The following PKP4 variants were observed in gnomAD, a reference collection of about 807,000 sequenced individuals.
PKP4 encodes the protein plakophilin 4.
A neutral mutation model predicts 145.1 loss-of-function variants in PKP4; 90 were observed. The ratio of observed to expected loss-of-function variants is 0.62; its 90% CI spans 0.52 to 0.74. PKP4 has a LOEUF of 0.74. Among genes scored for constraint, PKP4 ranks in the 30% least tolerant of loss-of-function variants. PKP4 has a pLI of 0.00. For missense variants in PKP4, 1,340 were observed against 1,482.7 expected, an observed-to-expected ratio of 0.90 and a Z score of 1.58; for synonymous variants, 563 against 577.2, an observed-to-expected ratio of 0.98 and a Z score of 0.35.
At chr2:158,617,303 C>T (rs949999659) in intron 4 of PKP4, among the ~76,000 whole-genome samples, 4 of 152,042 alleles carry the variant, frequency 2.6e-5, no homozygotes, top group African/African-American at 9.7e-5. Context: ...TTTCTGGTGT[C>T]CCAGAAAACA....
chr2:158,596,702 G>A (rs1389610729), intron 3 of PKP4, among the ~76,000 whole-genome samples: 3 of 151,838 alleles, frequency 2.0e-5, no homozygotes, highest in African/African-American at 4.8e-5. Flanking sequence ...ATCATGTAAC[G>A]CTACTCATTT....
rs754471647 is a variant in PKP4, at chr2:158,621,432, C to T, written c.603+11C>T. On this transcript the variant is annotated intron_variant, in intron 6 of 21. Coordinates refer to ENST00000389759, the MANE Select transcript of PKP4 (RefSeq NM_003628.6). ...CAAACACTGGTTCAGGTAAGCCAAA[C>T]GCATCAAGATCTCTGCAAAGAAATA... 4.3e-6 allele frequency: 7 copies of T among 1,610,158 alleles called. No individual in the cohort carries two copies. Among genetic ancestry groups the T allele is most frequent in the East Asian group, 2.2e-5 (1 of 44,846 alleles).
At chr2:158,507,704 AT>A (rs1193621300) in intron 1 of PKP4, among the ~76,000 whole-genome samples, 1 of 151,794 alleles carries the variant, frequency 6.6e-6, no homozygotes, top group African/African-American at 2.4e-5. Flanking sequence ...GCTCAAACTT[AT>A]TTTTTTTCTC....
intron 2 of PKP4, among the ~76,000 whole-genome samples, chr2:158,560,425 A>T (rs948071539): frequency 6.6e-6 from 1 of 152,220 alleles, no homozygotes. Context: ...AAGAGGAAAG[A>T]ACAAAAAATG....
In PKP4 at chr2:158,577,397, G is replaced by A. The variant is rs1340705593; in HGVS notation, c.245+14G>A. The A allele has an allele frequency of 2.6e-6, 4 of 1,529,068 alleles. No individual in the cohort carries two copies. The highest frequency in any genetic ancestry group is 3.6e-6 in the Non-Finnish European group (4 of 1,105,548). 94.7% of individuals were successfully genotyped at this position (1,529,068 alleles called of 1,614,324 possible). ...CGCCAGCACCAGGTACAGGGCCAAT[G>A]GCTCCATCTTTATGCACACTCAAGT... On this transcript the variant is annotated intron_variant, in intron 3 of 21. Transcript: ENST00000389759.
intron 2 of PKP4, among the ~76,000 whole-genome samples, chr2:158,559,027 A>G (rs2046312908): frequency 6.6e-6 from 1 of 152,156 alleles, no homozygotes; most frequent in African/African-American, 2.4e-5. Context: ...ATGTTGGGTT[A>G]GTTTTTTCTC....
At chr2:158,648,425 A>G (rs1211381655) in intron 11 of PKP4, among the ~76,000 whole-genome samples, 1 of 152,230 alleles carries the variant, frequency 6.6e-6, no homozygotes, top group Admixed American at 6.5e-5. Context: ...TCTGGCAAGA[A>G]TTAGTCTTAT....
intron 1 of PKP4, among the ~76,000 whole-genome samples, chr2:158,516,971 A>G (rs981942818): frequency 6.6e-6 from 1 of 152,024 alleles, no homozygotes; most frequent in African/African-American, 2.4e-5. Context: ...TACTTTTCTT[A>G]TTTTTTAATA....
At chr2:158,551,279 T>C (rs905165524) in intron 2 of PKP4, among the ~76,000 whole-genome samples, 7 of 152,180 alleles carry the variant, frequency 4.6e-5, no homozygotes, top group Admixed American at 3.9e-4. Flanking sequence ...TGCCTCTAGG[T>C]TGTTAGAGAA....
At chr2:158,569,727 A>C (rs2047271785) in intron 2 of PKP4, among the ~76,000 whole-genome samples, 1 of 152,154 alleles carries the variant, frequency 6.6e-6, no homozygotes, top group Non-Finnish European at 1.5e-5. Context: ...TGTTCTTTGC[A>C]AAAGAAAAAG....
chr2:158,654,763 G>T (rs2055752279), intron 11 of PKP4, among the ~76,000 whole-genome samples: 1 of 152,272 alleles, frequency 6.6e-6, no homozygotes, highest in Admixed American at 6.5e-5. Context: ...GCACAAAGGG[G>T]AGGTAATAAT....
At chr2:158,531,875 G>A (rs2043585040) in intron 1 of PKP4, among the ~76,000 whole-genome samples, 1 of 152,190 alleles carries the variant, frequency 6.6e-6, no homozygotes, top group African/African-American at 2.4e-5. Context: ...AACTCATGAG[G>A]CTGGGGAAAT....
At position 158,642,504 on chromosome 2, in the gene PKP4, A is replaced by T. The variant is rs1234750989; in HGVS notation, c.1714A>T (p.Ile572Phe). The change falls in exon 11 of 22, where the codon ATC becomes TTC. Residue 572 changes from isoleucine (I) to phenylalanine (F), a missense_variant. Ile to Phe is a conservative substitution (Grantham distance 21, BLOSUM62 0). Coordinates refer to ENST00000389759, the MANE Select transcript of PKP4 (RefSeq NM_003628.6). ...VKMEVCRLGG[I>F]KHLVDLLDHR... ...ATTCTAGGTGTGTAGGTTAGGGGGA[A>T]TCAAGCATCTGGTTGACCTTCTGGA... The T allele has an allele frequency of 6.2e-7, 1 of 1,610,760 alleles. No individual in the cohort carries two copies. The highest frequency in any genetic ancestry group is 1.7e-5 in the Admixed American group (1 of 59,846).
intron 1 of PKP4, among the ~76,000 whole-genome samples, chr2:158,473,408 T>C (rs1691914434): frequency 6.6e-6 from 1 of 152,186 alleles, no homozygotes; most frequent in African/African-American, 2.4e-5. Flanking sequence ...GGAATCAACC[T>C]AAATGCCCAT....
At chr2:158,564,975 T>A (rs939060657) in intron 2 of PKP4, among the ~76,000 whole-genome samples, 6 of 152,222 alleles carry the variant, frequency 3.9e-5, no homozygotes, top group African/African-American at 1.4e-4. Context: ...AATATAACCT[T>A]TAGCAACAGA....
At chr2:158,619,287 T>G (rs933131534) in intron 4 of PKP4, among the ~76,000 whole-genome samples, 1 of 152,234 alleles carries the variant, frequency 6.6e-6, no homozygotes, top group African/African-American at 2.4e-5. Flanking sequence ...AGCTCATGTT[T>G]CAACGTGTAC....
chr2:158,559,516 A>C (rs916811511), intron 2 of PKP4, among the ~76,000 whole-genome samples: 3 of 152,092 alleles, frequency 2.0e-5, no homozygotes, highest in African/African-American at 7.2e-5. Context: ...ACCCTGACCT[A>C]GCCTGGCACT....
chr2:158,587,219 T>A (rs2048875465), intron 3 of PKP4, among the ~76,000 whole-genome samples: 1 of 152,160 alleles, frequency 6.6e-6, no homozygotes, highest in Non-Finnish European at 1.5e-5. Context: ...CTGTATTAAT[T>A]TTTCTAATAC....
chr2:158,529,037 C>G (rs185673494), intron 1 of PKP4, among the ~76,000 whole-genome samples: 8 of 152,322 alleles, frequency 5.3e-5, no homozygotes, highest in African/African-American at 9.6e-5. Context: ...TGCAGCATCT[C>G]TTCTACACTA....
Sources: gnomAD v4.1 joint callset for allele counts (sites outside exome capture counted in the v4.1 genomes callset) on GRCh38, gnomAD v4.1.1 for gene constraint, MANE v1.5 for transcripts, NCBI Gene and HGNC (gene_info 2026-07-23, HGNC 2026-07-21) for gene names.